TRAPPC9: variants seen among roughly 807,000 people sequenced by gnomAD.
TRAPPC9 encodes the protein IKK2 binding protein.
Under a neutral mutation model 124.0 loss-of-function variants are expected in TRAPPC9, and 83 were observed. That is an observed-to-expected ratio of 0.67 (90% confidence interval 0.56 to 0.80). The LOEUF is 0.80. Among genes scored for constraint, TRAPPC9 ranks in the 30% least tolerant of loss-of-function variants. The pLI is 0.00. For missense variants in TRAPPC9, 1,302 were observed against 1,508.3 expected, an observed-to-expected ratio of 0.86 and a Z score of 2.27; for synonymous variants, 638 against 617.5, an observed-to-expected ratio of 1.03 and a Z score of -0.49.
At chr8:139,781,913 A>G (rs898356383) in intron 21 of TRAPPC9, among the ~76,000 whole-genome samples, 4 of 152,216 alleles carry the variant, frequency 2.6e-5, no homozygotes, top group Non-Finnish European at 5.9e-5. Context: ...AAGGCAGAAA[A>G]CAAACAGAAG....
At chr8:140,122,059 C>A (rs1422399699) in intron 17 of TRAPPC9, among the ~76,000 whole-genome samples, 1 of 151,608 alleles carries the variant, frequency 6.6e-6, no homozygotes, top group African/African-American at 2.4e-5. Flanking sequence ...CTCCCTTTCT[C>A]CCTCCCTCTC....
intron 19 of TRAPPC9, among the ~76,000 whole-genome samples, chr8:139,956,252 C>A (rs7841928): frequency 6.6e-6 from 1 of 151,486 alleles, no homozygotes; most frequent in Non-Finnish European, 1.5e-5. Context: ...ACCTCTGCCC[C>A]CCGGATTCAA....
intron 17 of TRAPPC9, among the ~76,000 whole-genome samples, chr8:140,072,186 C>A (rs538712611): frequency 6.6e-6 from 1 of 152,122 alleles, no homozygotes; most frequent in South Asian, 2.1e-4. Context: ...TGTACACCAA[C>A]GAGAGTGAAC....
intron 21 of TRAPPC9, among the ~76,000 whole-genome samples, chr8:139,783,572 T>C (rs1821981006): frequency 6.6e-6 from 1 of 152,226 alleles, no homozygotes; most frequent in Non-Finnish European, 1.5e-5. Flanking sequence ...CCGATTATTT[T>C]ACTAGCAGAT....
intron 21 of TRAPPC9, among the ~76,000 whole-genome samples, chr8:139,753,069 C>CACCT (rs1819455263): frequency 1.6e-5 from 2 of 125,430 alleles, no homozygotes; most frequent in African/African-American, 3.9e-5. Flanking sequence ...CCCACCCACC[C>CACCT]ATCTATCCAT....
intron 17 of TRAPPC9, among the ~76,000 whole-genome samples, chr8:140,051,509 T>C (rs1314012238): frequency 1.5e-5 from 2 of 131,866 alleles, no homozygotes; most frequent in African/African-American, 2.5e-5. Context: ...GGGTGCTGCA[T>C]ACACCTGCAA....
intron 17 of TRAPPC9, among the ~76,000 whole-genome samples, chr8:140,050,679 T>C (rs1332136909): frequency 5.9e-5 from 9 of 152,026 alleles, no homozygotes; most frequent in African/African-American, 2.2e-4. Flanking sequence ...GAAATGTCTA[T>C]GGAGGAAGAG....
chr8:139,844,944 G>C (rs1186022394), intron 21 of TRAPPC9, among the ~76,000 whole-genome samples: 1 of 152,100 alleles, frequency 6.6e-6, no homozygotes, highest in African/African-American at 2.4e-5. Context: ...CCCCAGGCCT[G>C]GCACATCCCG....
chr8:140,424,021 C>G (rs2070334008), intron 5 of TRAPPC9, among the ~76,000 whole-genome samples: 2 of 152,060 alleles, frequency 1.3e-5, no homozygotes, highest in African/African-American at 4.8e-5. Flanking sequence ...TGGCTTCCTG[C>G]TGGGGTTATG....
intron 19 of TRAPPC9, among the ~76,000 whole-genome samples, chr8:139,913,284 C>T (rs989983299): frequency 3.3e-5 from 5 of 152,206 alleles, no homozygotes; most frequent in African/African-American, 1.2e-4. Context: ...CCAAGCCCGG[C>T]GCTGGGTGTT....
intron 21 of TRAPPC9, among the ~76,000 whole-genome samples, chr8:139,859,968 T>C (rs1828026192): frequency 6.6e-6 from 1 of 152,236 alleles, no homozygotes; most frequent in African/African-American, 2.4e-5. Context: ...CTCACAGTCA[T>C]AAAATGGGTA....
chr8:140,178,066 G>C (rs763613001), intron 17 of TRAPPC9, among the ~76,000 whole-genome samples: 2 of 152,054 alleles, frequency 1.3e-5, no homozygotes, highest in Non-Finnish European at 2.9e-5. Context: ...TACATGCATA[G>C]TAATGTTTTC....
intron 2 of TRAPPC9, among the ~76,000 whole-genome samples, chr8:140,442,554 C>T (rs1411059382): frequency 6.7e-6 from 1 of 148,740 alleles, no homozygotes; most frequent in Non-Finnish European, 1.5e-5. Flanking sequence ...GCTAAGATTG[C>T]ACCACTGCAC....
chr8:140,064,455 G>A (rs1255158214), intron 17 of TRAPPC9, among the ~76,000 whole-genome samples: 5 of 152,158 alleles, frequency 3.3e-5, no homozygotes, highest in African/African-American at 1.2e-4. Flanking sequence ...AGCTAGGATG[G>A]CAGTCTTTAT....
chr8:140,137,059 G>A (rs944817571), intron 17 of TRAPPC9, among the ~76,000 whole-genome samples: 1 of 152,176 alleles, frequency 6.6e-6, no homozygotes, highest in African/African-American at 2.4e-5. Context: ...TGGTGGAGCA[G>A]GAGAGGGCAA....
At chr8:140,051,666 T>C (rs1445159294) in intron 17 of TRAPPC9, among the ~76,000 whole-genome samples, 2 of 151,100 alleles carry the variant, frequency 1.3e-5, no homozygotes, top group African/African-American at 4.9e-5. Flanking sequence ...AAATTTGTTC[T>C]CTAGAGATTT....
intron 21 of TRAPPC9, among the ~76,000 whole-genome samples, chr8:139,871,151 C>T (rs1050547765): frequency 6.6e-5 from 10 of 152,300 alleles, no homozygotes; most frequent in African/African-American, 2.4e-4. Context: ...AGAGGCTTCT[C>T]AATAAAGGTA....
chr8:140,357,450 G>A (rs2067786806), intron 9 of TRAPPC9, among the ~76,000 whole-genome samples: 1 of 152,132 alleles, frequency 6.6e-6, no homozygotes. Flanking sequence ...CTGCCACCAG[G>A]AGAGAACAGA....
intron 21 of TRAPPC9, among the ~76,000 whole-genome samples, chr8:139,823,593 C>T (rs945846183): frequency 6.6e-6 from 1 of 152,168 alleles, no homozygotes. Flanking sequence ...GGCCTGTGCT[C>T]CAGGAGCTGC....
Sources: gnomAD v4.1 joint callset for allele counts (sites outside exome capture counted in the v4.1 genomes callset) on GRCh38, gnomAD v4.1.1 for gene constraint, MANE v1.5 for transcripts, NCBI Gene and HGNC (gene_info 2026-07-23, HGNC 2026-07-21) for gene names.